ASB4: variants seen among roughly 807,000 people sequenced by gnomAD.
The protein encoded by ASB4 is ankyrin repeat and SOCS box protein 4.
Under a neutral mutation model 38.6 loss-of-function variants are expected in ASB4, and 35 were observed. That is an observed-to-expected ratio of 0.91 (90% CI 0.69 to 1.20). The LOEUF is 1.20. Ranked by LOEUF, ASB4 falls within the 50% of genes most tolerant of loss-of-function variation. The pLI, the probability that ASB4 is intolerant of heterozygous loss-of-function variation, is 0.00. For synonymous variants in ASB4, 195 were observed against 201.3 expected, an observed-to-expected ratio of 0.97 and a Z score of 0.26; for missense variants, 557 against 527.2, an observed-to-expected ratio of 1.06 and a Z score of -0.55.
upstream of ASB4, among the ~76,000 whole-genome samples, chr7:95,482,269 GTATT>G (rs1156629417): frequency 6.6e-6 from 1 of 152,160 alleles, no homozygotes; most frequent in African/African-American, 2.4e-5. Flanking sequence ...TTTAGATACA[GTATT>G]TATTTATATA....
intron 2 of ASB4, among the ~76,000 whole-genome samples, chr7:95,511,644 A>T (rs901994497): frequency 1.7e-4 from 26 of 151,778 alleles, no homozygotes; most frequent in Non-Finnish European, 1.0e-4. Context: ...CCTGGGCAAC[A>T]AGAGCAAAAC....
chr7:95,478,063 G>T (rs765713522), upstream of ASB4, among the ~76,000 whole-genome samples: 1 of 152,048 alleles, frequency 6.6e-6, no homozygotes, highest in African/African-American at 2.4e-5. Flanking sequence ...GACAACTGTG[G>T]GTGTAAAAAG....
intron 2 of ASB4, among the ~76,000 whole-genome samples, chr7:95,523,020 G>C: frequency 6.6e-6 from 1 of 152,126 alleles, no homozygotes; most frequent in Admixed American, 6.6e-5. Flanking sequence ...ATAGTTTATA[G>C]AAATGTAAAG....
chr7:95,473,010 T>C, the ASB4 span, among the ~76,000 whole-genome samples: 1 of 152,222 alleles, frequency 6.6e-6, no homozygotes, highest in Non-Finnish European at 1.5e-5. Flanking sequence ...AAATGATTGC[T>C]CACCAGTGGC....
chr7:95,507,178 A>C (rs1190686818), intron 2 of ASB4, among the ~76,000 whole-genome samples: 1 of 151,910 alleles, frequency 6.6e-6, no homozygotes, highest in Non-Finnish European at 1.5e-5. Context: ...ATCTGGCTGC[A>C]CCTTTCATCT....
chr7:95,521,590 T>C (rs1790662442), intron 2 of ASB4, among the ~76,000 whole-genome samples: 1 of 151,974 alleles, frequency 6.6e-6, no homozygotes, highest in Non-Finnish European at 1.5e-5. Context: ...GAAAGATATT[T>C]ACTATTGGGA....
chr7:95,483,770 G>C (rs1199997294), upstream of ASB4, among the ~76,000 whole-genome samples: 12 of 152,062 alleles, frequency 7.9e-5, no homozygotes, highest in Non-Finnish European at 1.6e-4. Context: ...CCCAGAATAA[G>C]TGTCTGACAA....
chr7:95,528,800 C>A (rs2116647628), intron 3 of ASB4: 1 of 574,624 alleles, frequency 1.7e-6, no homozygotes, highest in Non-Finnish European at 2.2e-6. Context: ...CTGTTATAAG[C>A]ATTTTGTATG....
chr7:95,531,180 G>A (rs1466327826), intron 3 of ASB4, among the ~76,000 whole-genome samples: 3 of 152,112 alleles, frequency 2.0e-5, no homozygotes, highest in Non-Finnish European at 4.4e-5. Context: ...TTCAGTCACA[G>A]CAGAGTCTCT....
At chr7:95,500,596 A>G (rs13222727) in intron 2 of ASB4, among the ~76,000 whole-genome samples, 1 of 140,538 alleles carries the variant, frequency 7.1e-6, no homozygotes, top group African/African-American at 2.7e-5. Flanking sequence ...AAAAAAAAAA[A>G]GCCATGATCT....
intron 1 of ASB4, among the ~76,000 whole-genome samples, chr7:95,480,065 A>G (rs1385477806): frequency 1.3e-5 from 2 of 152,198 alleles, no homozygotes; most frequent in South Asian, 2.1e-4. Flanking sequence ...TTCCAGGGCC[A>G]TAACACCTTC....
intron 1 of ASB4, among the ~76,000 whole-genome samples, 157 bp from the exon 2 acceptor site, chr7:95,495,601 C>T (rs963356765): frequency 3.9e-5 from 6 of 152,122 alleles, no homozygotes; most frequent in African/African-American, 1.2e-4. Flanking sequence ...CGCTTGCAGA[C>T]CCATTAGCTA....
chr7:95,515,299 TTCTTTC>T (rs1426878931), intron 2 of ASB4, among the ~76,000 whole-genome samples: 8 of 129,366 alleles, frequency 6.2e-5, no homozygotes, highest in Non-Finnish European at 9.9e-5. Flanking sequence ...CTTTCTTTCT[TTCTTTC>T]TTTCTTTCTT....
At chr7:95,533,800 A>C (rs535459828) in intron 3 of ASB4, among the ~76,000 whole-genome samples, 89 of 152,356 alleles carry the variant, frequency 5.8e-4, no homozygotes, top group African/African-American at 2.1e-3. Context: ...AGCAAGTTAA[A>C]GTATATGAAG....
chr7:95,512,106 T>C (rs1562815947), intron 2 of ASB4, among the ~76,000 whole-genome samples: 3 of 152,000 alleles, frequency 2.0e-5, no homozygotes, highest in Non-Finnish European at 4.4e-5. Flanking sequence ...TCTGTAACAC[T>C]TGATCCTCCC....
chr7:95,487,166 C>T (rs970103935), intron 1 of ASB4, among the ~76,000 whole-genome samples: 1 of 152,052 alleles, frequency 6.6e-6, no homozygotes, highest in Non-Finnish European at 1.5e-5. Flanking sequence ...ATTTACTGTC[C>T]TCCGATTGTC....
At chr7:95,544,024 T>C (rs138749414), downstream of ASB4, 1 of 152,164 alleles carries the variant, frequency 6.6e-6, no homozygotes, top group African/African-American at 2.4e-5. Flanking sequence ...ACAATTCTGA[T>C]CCTTTAGATC....
chr7:95,509,989 A>T (rs1304489778), intron 2 of ASB4, among the ~76,000 whole-genome samples: 2 of 152,132 alleles, frequency 1.3e-5, no homozygotes, highest in African/African-American at 4.8e-5. Flanking sequence ...CTTCTGGGAC[A>T]TTTGGCTAAT....
At chr7:95,506,234 T>C (rs954561277) in intron 2 of ASB4, among the ~76,000 whole-genome samples, 1 of 152,176 alleles carries the variant, frequency 6.6e-6, no homozygotes, top group Non-Finnish European at 1.5e-5. Flanking sequence ...ATATTTAAAC[T>C]CAGTGGGTAT....
Sources: allele counts gnomAD v4.1 joint callset (sites outside exome capture counted in the v4.1 genomes callset), GRCh38; gene constraint gnomAD v4.1.1; transcripts MANE v1.5; gene names NCBI Gene and HGNC (gene_info 2026-07-23, HGNC 2026-07-21).